Variants in MMP16 observed in about 807,000 individuals in gnomAD.
The protein encoded by MMP16 is matrix metalloproteinase-16.
MMP16 carries 12 observed loss-of-function variants against 67.8 expected under a neutral mutation model. The ratio of observed to expected loss-of-function variants is 0.18; its 90% CI spans 0.11 to 0.29. The LOEUF (loss-of-function observed/expected upper bound fraction) is 0.29, where lower values mean the gene tolerates loss of function less well. Among genes scored for constraint, MMP16 ranks in the 10% least tolerant of loss-of-function variants. The pLI is 1.00. For synonymous variants in MMP16, 249 were observed against 255.9 expected (o/e 0.97, Z 0.26); for missense variants, 475 against 765.7 (o/e 0.62, Z 4.48).
chr8:88,076,865 T>C (rs567364212), intron 6 of MMP16, among the ~76,000 whole-genome samples: 174 of 152,254 alleles, frequency 1.1e-3, no homozygotes, highest in Non-Finnish European at 1.9e-3. Context: ...CAGAAAGCTC[T>C]CCAAGCTGAA....
At chr8:88,153,509 A>C (rs1322524152) in intron 4 of MMP16, among the ~76,000 whole-genome samples, 1 of 152,198 alleles carries the variant, frequency 6.6e-6, no homozygotes. Context: ...TACTGGTACC[A>C]AAACAGAGAT....
chr8:88,323,475 T>C lies in MMP16; in HGVS notation c.132+3600A>G, dbSNP rs1811490821. Among the ~76,000 whole-genome samples, 14 of 152,314 alleles carry C rather than the reference T, an allele frequency of 9.2e-5. No individual in the cohort carries two copies. The South Asian group carries it at 2.3e-3, about 25-fold the overall frequency. ...ACCCCTTTGAAATCTAAAATATCTC[T>C]GCTTTCTTTAATCAGGAACAACAAA... On this transcript the variant is annotated intron_variant, in intron 1 of 9. Coordinates refer to ENST00000286614, the MANE Select transcript of MMP16 (RefSeq NM_005941.5).
intron 4 of MMP16, among the ~76,000 whole-genome samples, chr8:88,157,455 G>A (rs192215445): frequency 3.2e-4 from 49 of 151,874 alleles, no homozygotes; most frequent in Non-Finnish European, 4.7e-4. Flanking sequence ...ACCAGGGGAT[G>A]GCATATAAAT....
At chr8:88,104,653 C>T (rs1809205345) in intron 6 of MMP16, among the ~76,000 whole-genome samples, 1 of 151,438 alleles carries the variant, frequency 6.6e-6, no homozygotes, top group African/African-American at 2.4e-5. Context: ...ATATACCTAC[C>T]ATATTACACG....
chr8:88,175,429 A>G (rs1201804755), intron 3 of MMP16, among the ~76,000 whole-genome samples: 5 of 152,144 alleles, frequency 3.3e-5, no homozygotes, highest in African/African-American at 1.2e-4. Context: ...AAGAATAGAA[A>G]ATGATTGTAT....
intron 1 of MMP16, among the ~76,000 whole-genome samples, chr8:88,244,502 T>C (rs983092162): frequency 1.3e-5 from 2 of 152,176 alleles, no homozygotes; most frequent in East Asian, 3.9e-4. Context: ...ATAATACATG[T>C]AACAGTTTCT....
intron 4 of MMP16, among the ~76,000 whole-genome samples, chr8:88,160,884 C>G (rs912032554): frequency 1.3e-5 from 2 of 152,174 alleles, no homozygotes; most frequent in Non-Finnish European, 2.9e-5. Flanking sequence ...GCCTCGCATC[C>G]CTGGGATGAA....
In MMP16 at chr8:88,050,160, A is replaced by G. The variant is rs188846197; in HGVS notation, c.1374-3376T>C. Among the ~76,000 whole-genome samples the G allele has an allele frequency of 4.4e-3, 674 of 152,210 alleles. 3 individuals are homozygous for G. The highest frequency in any genetic ancestry group is 0.017 in the Middle Eastern group (5 of 294). On this transcript the variant is annotated intron_variant, in intron 8 of 9. Transcript: ENST00000286614. The stretch of plus-strand genomic sequence containing the variant: ...AACATGGCGAAACTCCGTCTCTACT[A>G]AAAAATACAAAAATTATCTGGGCGT...
intron 7 of MMP16, among the ~76,000 whole-genome samples, chr8:88,057,099 C>T (rs1808342016): frequency 6.6e-6 from 1 of 152,048 alleles, no homozygotes; most frequent in South Asian, 2.1e-4. Context: ...TCACCAATGC[C>T]CTCCAACTAA....
Position 88,327,368 on chromosome 8 carries a change from C to G in MMP16, c.-162G>C. 1.3e-6 allele frequency: 1 copy of G among 783,662 alleles called. No homozygotes were observed. Among genetic ancestry groups the G allele is most frequent in the Non-Finnish European group, 2.0e-6 (1 of 500,888 alleles). The allele number at this position is 783,662 out of a possible 1,614,324, so 48.5% of individuals were successfully genotyped here. A position where few individuals can be genotyped will look rare whatever the true frequency, so the allele number is the denominator to read the frequency against. ...AAGGGGAGGAGACAGGGGCCCCGCG[C>G]TCGGCAGCCCCCGAGAGGCAGCGGC... On this transcript the variant is annotated 5_prime_UTR_variant, in exon 1 of 10. Coordinates refer to ENST00000286614, the MANE Select transcript of MMP16 (RefSeq NM_005941.5).
intron 3 of MMP16, among the ~76,000 whole-genome samples, chr8:88,171,741 G>C (rs1018093654): frequency 6.6e-6 from 1 of 151,910 alleles, no homozygotes; most frequent in Non-Finnish European, 1.5e-5. Flanking sequence ...ATTAAACAAA[G>C]ATGGAAAATT....
At chr8:88,297,777 C>T (rs1358378055) in intron 1 of MMP16, among the ~76,000 whole-genome samples, 1 of 152,148 alleles carries the variant, frequency 6.6e-6, no homozygotes, top group Non-Finnish European at 1.5e-5. Flanking sequence ...TCAGTTTCCT[C>T]ATCTGTAAAA....
At chr8:88,243,957 C>G (rs1810071663) in intron 1 of MMP16, among the ~76,000 whole-genome samples, 2 of 151,846 alleles carry the variant, frequency 1.3e-5, no homozygotes, top group African/African-American at 4.8e-5. Context: ...AAAAAGACAG[C>G]TGTAATTTTA....
intron 9 of MMP16, 46 bp downstream of exon 9, chr8:88,046,623 A>T: frequency 8.0e-7 from 1 of 1,254,926 alleles, no homozygotes; most frequent in Non-Finnish European, 1.1e-6. Flanking sequence ...CTAATGTGTT[A>T]CTAAGATAGC....
intron 6 of MMP16, among the ~76,000 whole-genome samples, chr8:88,097,181 G>A (rs1809042834): frequency 6.6e-6 from 1 of 151,888 alleles, no homozygotes; most frequent in South Asian, 2.1e-4. Context: ...TAGGGAAAAT[G>A]TTTTATGATT....
chr8:88,198,413 A>G (rs1429973399), intron 1 of MMP16, among the ~76,000 whole-genome samples: 1 of 152,134 alleles, frequency 6.6e-6, no homozygotes, highest in Non-Finnish European at 1.5e-5. Context: ...GCTATTTGCC[A>G]GCATGTGTTA....
chr8:88,293,390 G>A (rs1051347521), intron 1 of MMP16, among the ~76,000 whole-genome samples: 4 of 151,912 alleles, frequency 2.6e-5, no homozygotes, highest in African/African-American at 9.7e-5. Context: ...GCTTTGAACT[G>A]GTAAGTGGGC....
chr8:88,321,775 G>A (rs531203762), intron 1 of MMP16, among the ~76,000 whole-genome samples: 287 of 152,182 alleles, frequency 1.9e-3, no homozygotes, highest in African/African-American at 6.5e-3. Context: ...TTTGGAAATG[G>A]CCTTAGTGAC....
chr8:88,075,615 A>G (rs1467984479), intron 6 of MMP16, among the ~76,000 whole-genome samples: 2 of 152,178 alleles, frequency 1.3e-5, no homozygotes, highest in Non-Finnish European at 2.9e-5. Flanking sequence ...AAAATTTGAA[A>G]TAAATGAAAG....
Sources: allele counts gnomAD v4.1 joint callset (sites outside exome capture counted in the v4.1 genomes callset), GRCh38; gene constraint gnomAD v4.1.1; transcripts MANE v1.5; gene names NCBI Gene and HGNC (gene_info 2026-07-23, HGNC 2026-07-21).